AFF2: variants seen among roughly 807,000 people sequenced by gnomAD.
AFF2 encodes ALF transcription elongation factor 2, also known as AF4/FMR2 family member 2.
A neutral mutation model predicts 76.9 loss-of-function variants in AFF2; 14 were observed. That is an observed-to-expected ratio of 0.18 (90% CI 0.12 to 0.28). The LOEUF (loss-of-function observed/expected upper bound fraction) is 0.28. Among genes scored for constraint, AFF2 ranks in the 10% least tolerant of loss-of-function variants. The pLI, the probability that AFF2 is intolerant of heterozygous loss-of-function variation, is 1.00. For synonymous variants in AFF2, 398 were observed against 366.7 expected, an observed-to-expected ratio of 1.09 and a Z score of -0.98; for missense variants, 868 against 1,001.1, an observed-to-expected ratio of 0.87 and a Z score of 1.79.
intron 7 of AFF2, among the ~76,000 whole-genome samples, chrX:148,844,133 T>C (rs1032041417): frequency 1.8e-5 from 2 of 112,132 alleles, no homozygotes; most frequent in African/African-American, 6.5e-5. Context: ...CACTGTATAG[T>C]ATCAGCTAAA....
intron 8 of AFF2, among the ~76,000 whole-genome samples, chrX:148,900,418 A>T (rs909644330): frequency 8.9e-6 from 1 of 111,943 alleles, no homozygotes; most frequent in African/African-American, 3.2e-5. Context: ...AGCAAATCTG[A>T]GCCTGTCTGT....
At chrX:148,734,118 G>T (rs782516519) in intron 3 of AFF2, among the ~76,000 whole-genome samples, 1 of 112,132 alleles carries the variant, frequency 8.9e-6, no homozygotes, top group Non-Finnish European at 1.9e-5. Context: ...TGAAGTGCTT[G>T]CTCTGCACTT....
chrX:148,533,860 T>C (rs781950556), intron 1 of AFF2, among the ~76,000 whole-genome samples: 20 of 112,251 alleles, frequency 1.8e-4, no homozygotes, highest in African/African-American at 6.1e-4. Context: ...ATTCTGAAAA[T>C]TTTGAAGAGT....
chrX:148,904,515 G>A, intron 9 of AFF2: 2 of 304,266 alleles, frequency 6.6e-6, no homozygotes, highest in Non-Finnish European at 5.6e-6. Flanking sequence ...ATGAATAGCT[G>A]CCAAATACGA....
rs956640084 is a variant in AFF2, at chrX:148,833,116, C to G, written c.1087-4531C>G. ...AGGGATACACACACACACTCGCACA[C>G]ACATAAACACACATGTGTGTTCAAA... On this transcript the variant is annotated intron_variant, in intron 4 of 20. Transcript: ENST00000370460. Among the ~76,000 whole-genome samples, 5 of 111,226 alleles carry G rather than the reference C, an allele frequency of 4.5e-5. No individual in the cohort carries two copies. The Admixed American group carries it at 4.8e-4, about 11-fold the overall frequency.
intron 1 of AFF2, among the ~76,000 whole-genome samples, chrX:148,528,782 A>G (rs1308726031): frequency 8.9e-6 from 1 of 111,939 alleles, no homozygotes; most frequent in Non-Finnish European, 1.9e-5. Flanking sequence ...AAAAAGCCAT[A>G]TGAATGTTAT....
At chrX:148,805,085 A>G (rs1557271205) in intron 3 of AFF2, among the ~76,000 whole-genome samples, 1 of 111,731 alleles carries the variant, frequency 9.0e-6, no homozygotes, top group Admixed American at 9.5e-5. Flanking sequence ...TTTTTATTTT[A>G]TTAGTAATTC....
chrX:148,976,138 A>G (rs1031433871), intron 16 of AFF2, among the ~76,000 whole-genome samples: 5 of 110,786 alleles, frequency 4.5e-5, no homozygotes, highest in South Asian at 3.9e-4. Flanking sequence ...CTGAAAGTCA[A>G]TGGAGAATTT....
At chrX:148,505,091 A>C (rs1283752731) in intron 1 of AFF2, among the ~76,000 whole-genome samples, 1 of 111,928 alleles carries the variant, frequency 8.9e-6, no homozygotes, top group African/African-American at 3.2e-5. Context: ...GTCTCTTAAA[A>C]GGGAGACTGC....
intron 1 of AFF2, among the ~76,000 whole-genome samples, chrX:148,550,278 G>A (rs971325442): frequency 8.0e-5 from 9 of 111,908 alleles, no homozygotes; most frequent in Non-Finnish European, 3.8e-5. Flanking sequence ...TCCTTTTGGG[G>A]GAGGAGAACT....
chrX:148,607,812 G>T (rs1406813028), intron 1 of AFF2, among the ~76,000 whole-genome samples: 3 of 111,604 alleles, frequency 2.7e-5, no homozygotes, highest in African/African-American at 9.8e-5. Flanking sequence ...AATCTATCTG[G>T]TTTCTTTTTT....
chrX:148,971,625 G>A (rs2072253266), intron 15 of AFF2, among the ~76,000 whole-genome samples: 2 of 108,928 alleles, frequency 1.8e-5, no homozygotes, highest in African/African-American at 6.7e-5. Context: ...CTATATTAAT[G>A]AAAGAAAATT....
chrX:148,899,025 A>G (rs2071325939), intron 8 of AFF2, among the ~76,000 whole-genome samples: 1 of 112,014 alleles, frequency 8.9e-6, no homozygotes, highest in African/African-American at 3.2e-5. Flanking sequence ...GAATGTTTCC[A>G]TGCACGTTTT....
chrX:148,667,972 T>C (rs2054377057), intron 3 of AFF2, among the ~76,000 whole-genome samples: 1 of 112,487 alleles, frequency 8.9e-6, no homozygotes, highest in Non-Finnish European at 1.9e-5. Flanking sequence ...TCAATGCAAG[T>C]CCCTTCCGCT....
At chrX:148,668,046 G>A (rs2054377831) in intron 3 of AFF2, among the ~76,000 whole-genome samples, 1 of 113,072 alleles carries the variant, frequency 8.8e-6, no homozygotes, top group South Asian at 3.6e-4. Flanking sequence ...TACAAGCATT[G>A]GGTAAATACA....
At chrX:148,974,185 C>T (rs2072293045) in intron 16 of AFF2, among the ~76,000 whole-genome samples, 1 of 108,588 alleles carries the variant, frequency 9.2e-6, no homozygotes. Flanking sequence ...TTATTGGTTT[C>T]ATTTACATTT....
chrX:148,536,566 C>G (rs1193158864), intron 1 of AFF2, among the ~76,000 whole-genome samples: 1 of 112,465 alleles, frequency 8.9e-6, no homozygotes, highest in Non-Finnish European at 1.9e-5. Flanking sequence ...ATCTAGTAAT[C>G]ATTTTATCCC....
In AFF2 at chrX:148,668,750, C is replaced by G. The variant is rs187551219; in HGVS notation, c.1041+5982C>G. 7.1e-5 allele frequency among the ~76,000 whole-genome samples: 8 copies of G among 112,099 alleles called. No individual in the cohort carries two copies. In the East Asian group the frequency reaches 2.3e-3, roughly 32 times the overall value. ...ACCTGGCCTATGAAACCATCATTTC[C>G]TCCTAGGCCTCCTGGCCTGTGATGG... On this transcript the variant is annotated intron_variant, in intron 3 of 20. Transcript: ENST00000370460.
intron 7 of AFF2, among the ~76,000 whole-genome samples, chrX:148,876,287 A>G (rs143553166): frequency 0.012 from 1,379 of 112,127 alleles, 25 homozygotes; most frequent in African/African-American, 0.042. Flanking sequence ...CTGAGGTGAC[A>G]CAGATAGTCA....
Sources: allele counts gnomAD v4.1 joint callset (sites outside exome capture counted in the v4.1 genomes callset), GRCh38; gene constraint gnomAD v4.1.1; transcripts MANE v1.5; gene names NCBI Gene and HGNC (gene_info 2026-07-23, HGNC 2026-07-21).